The following ELMO1 variants were observed in gnomAD, a reference collection of about 807,000 sequenced individuals.
ELMO1 encodes engulfment and cell motility protein 1.
Under a neutral mutation model 98.9 loss-of-function variants are expected in ELMO1, and 26 were observed. That is an observed-to-expected ratio of 0.26 (90% confidence interval 0.19 to 0.36). The LOEUF (loss-of-function observed/expected upper bound fraction) is 0.36, where lower values mean the gene tolerates loss of function less well. Among genes scored for constraint, ELMO1 ranks in the 10% least tolerant of loss-of-function variants. The probability of loss-of-function intolerance (pLI) is 1.00; values close to 1 mark genes in which losing one functional copy is unlikely to be tolerated. For synonymous variants in ELMO1, 346 were observed against 346.0 expected (o/e 1.00, Z 0.00); for missense variants, 627 against 935.2 (o/e 0.67, Z 4.30).
At chr7:37,110,679 C>T (rs979967047) in intron 14 of ELMO1, among the ~76,000 whole-genome samples, 4 of 152,078 alleles carry the variant, frequency 2.6e-5, no homozygotes, top group African/African-American at 7.2e-5. Flanking sequence ...ATCATTTCAC[C>T]GGCTCACCTA....
At chr7:37,299,243 AT>A (rs147569747) in intron 4 of ELMO1, among the ~76,000 whole-genome samples, 128,965 of 142,936 alleles carry the variant, frequency 0.9, 58,455 homozygotes, top group Non-Finnish European at 0.94. Context: ...ATTTTCTCCC[AT>A]TTTTGTAGGT....
chr7:36,963,533 T>C (rs1326173036), intron 16 of ELMO1, among the ~76,000 whole-genome samples: 2 of 152,128 alleles, frequency 1.3e-5, no homozygotes, highest in Non-Finnish European at 2.9e-5. Context: ...GTCTAAGAGA[T>C]AAATACCAAA....
Position 37,342,729 on chromosome 7 carries a change from G to C in ELMO1, c.-39C>G. The C allele has an allele frequency of 6.4e-7, 1 of 1,571,346 alleles. No individual in the cohort carries two copies. The highest frequency in any genetic ancestry group is 1.4e-5 in the African/African-American group (1 of 73,214). On this transcript the variant is annotated 5_prime_UTR_variant, in exon 2 of 22. The change creates a new upstream start codon in the 5' untranslated region. Transcript: ENST00000310758. The surrounding 1 kb of genome is among the most constrained non-coding windows in gnomAD (Gnocchi z 4.3). ...AATGTTCAAAGCCAGTGGGAATGAG[G>C]ATCCTACAGCGTAAACGGCCACACG...
intron 15 of ELMO1, among the ~76,000 whole-genome samples, chr7:37,050,641 C>CACAA (rs1356640840): frequency 4.0e-5 from 6 of 151,414 alleles, no homozygotes; most frequent in African/African-American, 1.5e-4. Context: ...CACACACACA[C>CACAA]ACACACACAC....
At chr7:37,132,907 G>A (rs548670269) in intron 14 of ELMO1, 16 of 344,974 alleles carry the variant, frequency 4.6e-5, no homozygotes, top group South Asian at 3.5e-4. Flanking sequence ...AGTATCTACC[G>A]TATTTTTTAA....
At chr7:36,867,678 A>C (rs1803142059) in intron 20 of ELMO1, among the ~76,000 whole-genome samples, 1 of 152,178 alleles carries the variant, frequency 6.6e-6, no homozygotes, top group Non-Finnish European at 1.5e-5. Context: ...CCTTCACTGC[A>C]TCCCACACAT....
intron 15 of ELMO1, among the ~76,000 whole-genome samples, chr7:37,024,311 C>A (rs1794448713): frequency 6.6e-6 from 1 of 152,196 alleles, no homozygotes; most frequent in African/African-American, 2.4e-5. Context: ...TCAGTTCGCA[C>A]AACGCTTTGT....
rs78512550 is a variant in ELMO1 at position 36,984,961 on chromosome 7, C to T, written c.1437+28338G>A. 2.7e-5 allele frequency: 27 copies of T among 985,446 alleles called. No individual in the cohort carries two copies. In the East Asian group the frequency reaches 1.7e-3, roughly 62 times the overall value. The allele number at this position is 985,446 out of a possible 1,614,324, so 61.0% of individuals were successfully genotyped here. A position where few individuals can be genotyped will look rare whatever the true frequency, so the allele number is the denominator to read the frequency against. On this transcript the variant is annotated intron_variant, in intron 16 of 21. Coordinates refer to ENST00000310758, the MANE Select transcript of ELMO1 (RefSeq NM_014800.11). The stretch of plus-strand genomic sequence containing the variant: ...TGATTATAACTCGTCTGGAATCCTG[C>T]TCGGTGCTTGGGTTGCATCTTGCCA...
chr7:37,132,998 T>A (rs1787031303), intron 14 of ELMO1, 132 bp downstream of exon 14: 4 of 571,240 alleles, frequency 7.0e-6, no homozygotes, highest in Non-Finnish European at 1.1e-5. Flanking sequence ...GATTTTTTTT[T>A]TTTTTTTAGT....
chr7:36,921,346 GATACAGGCA>G (rs1228798012), intron 16 of ELMO1, among the ~76,000 whole-genome samples: 1 of 152,198 alleles, frequency 6.6e-6, no homozygotes, highest in African/African-American at 2.4e-5. Flanking sequence ...CTAGCTAGCT[GATACAGGCA>G]AGTTATTAAA....
intron 18 of ELMO1, among the ~76,000 whole-genome samples, chr7:36,878,453 G>A (rs1684690246): frequency 1.3e-5 from 2 of 151,828 alleles, no homozygotes. Context: ...TTCATTTACT[G>A]ACAAAAGAGG....
At chr7:37,088,500 A>T (rs1783900674) in intron 15 of ELMO1, among the ~76,000 whole-genome samples, 1 of 152,244 alleles carries the variant, frequency 6.6e-6, no homozygotes, top group African/African-American at 2.4e-5. Context: ...TACAGTTAAC[A>T]AAGCACTTTA....
chr7:37,010,827 A>AT (rs1251914812), intron 16 of ELMO1, among the ~76,000 whole-genome samples: 1 of 152,202 alleles, frequency 6.6e-6, no homozygotes, highest in African/African-American at 2.4e-5. Context: ...TACCTGATAT[A>AT]TTTTTCTGGT....
At chr7:36,878,279 T>G (rs944791535) in intron 18 of ELMO1, among the ~76,000 whole-genome samples, 162 bp from the exon 19 acceptor site, 5 of 152,242 alleles carry the variant, frequency 3.3e-5, no homozygotes, top group Non-Finnish European at 7.3e-5. Flanking sequence ...AAATTCCCTT[T>G]TGACTTTAAT....
chr7:37,440,174 T>C (rs1269072706), intron 1 of ELMO1, among the ~76,000 whole-genome samples: 2 of 152,154 alleles, frequency 1.3e-5, no homozygotes, highest in Non-Finnish European at 2.9e-5. Context: ...CCAGGCACAG[T>C]GGCTCATGTC....
At chr7:37,357,810 A>C (rs1308313413) in intron 1 of ELMO1, among the ~76,000 whole-genome samples, 1 of 152,254 alleles carries the variant, frequency 6.6e-6, no homozygotes, top group African/African-American at 2.4e-5. Flanking sequence ...CAGCATGGCC[A>C]TACGGCCATA....
chr7:36,928,162 G>A (rs1173257617), intron 16 of ELMO1, among the ~76,000 whole-genome samples: 2 of 152,194 alleles, frequency 1.3e-5, no homozygotes, highest in Admixed American at 1.3e-4. Context: ...TGATTCAAGT[G>A]AGGCTTCAGG....
At chr7:36,995,295 G>A (rs1792126569) in intron 16 of ELMO1, among the ~76,000 whole-genome samples, 1 of 152,116 alleles carries the variant, frequency 6.6e-6, no homozygotes, top group South Asian at 2.1e-4. Context: ...AGATCATGAG[G>A]TCAGGAGATC....
chr7:37,369,539 A>G (rs969985253), intron 1 of ELMO1, among the ~76,000 whole-genome samples: 1 of 152,158 alleles, frequency 6.6e-6, no homozygotes, highest in Non-Finnish European at 1.5e-5. Flanking sequence ...ACATTAAACA[A>G]AACAATTCCA....
Sources: allele counts gnomAD v4.1 joint callset (sites outside exome capture counted in the v4.1 genomes callset), GRCh38; gene constraint gnomAD v4.1.1; non-coding constraint Gnocchi (gnomAD v3.1); transcripts MANE v1.5; gene names NCBI Gene and HGNC (gene_info 2026-07-23, HGNC 2026-07-21).